RUVBL1: variants seen among roughly 807,000 people sequenced by gnomAD.
RUVBL1 encodes RuvB like AAA ATPase 1, also known as ruvB-like 1.
RUVBL1 carries 4 observed loss-of-function variants against 52.4 expected under a neutral mutation model. The ratio of observed to expected loss-of-function variants is 0.08; its 90% CI spans 0.04 to 0.17. RUVBL1 has a LOEUF of 0.17. RUVBL1 is among the 10% of genes least tolerant of loss of function. The pLI is 1.00. For missense variants in RUVBL1, 298 were observed against 572.8 expected, an observed-to-expected ratio of 0.52 and a Z score of 4.90; for synonymous variants, 217 against 214.4, an observed-to-expected ratio of 1.01 and a Z score of -0.10.
chr3:128,101,513 T>C (rs1943107533), intron 5 of RUVBL1, 46 bp downstream of exon 5: 1 of 1,576,400 alleles, frequency 6.3e-7, no homozygotes, highest in Non-Finnish European at 8.7e-7. Context: ...GGTCTTCTCA[T>C]GGCAAACAAA....
At chr3:128,097,872 G>A (rs974477216) in intron 7 of RUVBL1, among the ~76,000 whole-genome samples, 1 of 152,170 alleles carries the variant, frequency 6.6e-6, no homozygotes, top group Non-Finnish European at 1.5e-5. Flanking sequence ...GGAGACATTG[G>A]AGTTTGGGAG....
At chr3:128,153,854 C>T in exon 1 of RUVBL1, 4 of 1,473,608 alleles carry the variant, frequency 2.7e-6, no homozygotes, top group Non-Finnish European at 3.6e-6. Flanking sequence ...GAGCCGGGCT[C>T]AGGGACGCGG....
At chr3:128,103,965 A>G (rs1455273190) in intron 4 of RUVBL1, among the ~76,000 whole-genome samples, 1 of 152,242 alleles carries the variant, frequency 6.6e-6, no homozygotes, top group Non-Finnish European at 1.5e-5. Flanking sequence ...TCACGATAAC[A>G]TTAACAGCTA....
rs78712581 is a variant in RUVBL1 at position 128,089,126 on chromosome 3, T to G, written c.1017-1318A>C. On this transcript the variant is annotated intron_variant, in intron 8 of 10. Coordinates refer to ENST00000322623, the MANE Select transcript of RUVBL1 (RefSeq NM_003707.3). ...CTTAAGTTTGCATTTCTTTGATTAC[T>G]AATGAGGCATTTGAATGTATTCCCT... 6.5e-3 allele frequency among the ~76,000 whole-genome samples: 997 copies of G among 152,406 alleles called. 10 individuals carry two copies. The highest frequency in any genetic ancestry group is 0.011 in the Non-Finnish European group (718 of 68,042).
chr3:128,132,325 C>A (rs553006283), intron 1 of RUVBL1, among the ~76,000 whole-genome samples: 2 of 152,320 alleles, frequency 1.3e-5, no homozygotes, highest in Admixed American at 1.3e-4. Context: ...ACAAGGACTG[C>A]AATTCCTGGG....
Position 128,081,218 on chromosome 3 carries a change from G to C in RUVBL1, c.*32C>G, listed in dbSNP as rs777170930. 2 of 1,601,624 alleles carry C rather than the reference G, an allele frequency of 1.2e-6. No individual in the cohort carries two copies. Among genetic ancestry groups the C allele is most frequent in the Middle Eastern group, 1.7e-4 (1 of 5,778 alleles). On this transcript the variant is annotated 3_prime_UTR_variant, in exon 11 of 11. Coordinates refer to ENST00000322623, the MANE Select transcript of RUVBL1 (RefSeq NM_003707.3). This position sits in a 1 kb window ranked among gnomAD's most constrained non-coding sequence, Gnocchi z 4.8. The stretch of plus-strand genomic sequence containing the variant: ...CTGGACCCAGGCCAGGCACACCTGG[G>C]GAGTCTCTTACTGCTGAAAACCTCA...
At chr3:128,123,561 A>C in intron 1 of RUVBL1, 23 bp downstream of exon 1, 4 of 1,564,202 alleles carry the variant, frequency 2.6e-6, no homozygotes, top group South Asian at 1.1e-5. Context: ...GCAGCCCCCA[A>C]CTCCCTGGTC....
intron 8 of RUVBL1, among the ~76,000 whole-genome samples, chr3:128,089,430 G>T (rs1477503066): frequency 3.3e-5 from 5 of 152,242 alleles, no homozygotes; most frequent in African/African-American, 1.2e-4. Flanking sequence ...GTGCAGGATT[G>T]TACAGTCTAT....
intron 9 of RUVBL1, chr3:128,069,719 T>G (rs1942098848): frequency 3.4e-6 from 5 of 1,491,760 alleles, no homozygotes; most frequent in South Asian, 1.1e-5. Context: ...GAAGGGGAGC[T>G]CTCATCATGG....
intron 1 of RUVBL1, among the ~76,000 whole-genome samples, chr3:128,145,368 A>C (rs537665056): frequency 8.5e-5 from 13 of 152,308 alleles, no homozygotes; most frequent in African/African-American, 3.1e-4. Flanking sequence ...TGTGCTTTTC[A>C]CTACACCATG....
At chr3:128,143,915 C>T (rs573889053) in intron 1 of RUVBL1, among the ~76,000 whole-genome samples, 27 of 152,234 alleles carry the variant, frequency 1.8e-4, no homozygotes, top group South Asian at 1.0e-3. Flanking sequence ...TGACCACTAC[C>T]GACCACAATG....
intron 3 of RUVBL1, among the ~76,000 whole-genome samples, chr3:128,111,222 A>ATC (rs1344761160): frequency 1.9e-4 from 20 of 107,906 alleles, no homozygotes; most frequent in Admixed American, 7.6e-4. Context: ...TCTCTCTCAA[A>ATC]AAAAAAAAAA....
intron 9 of RUVBL1, chr3:128,085,206 A>G (rs1272425161): frequency 6.6e-6 from 1 of 152,280 alleles, no homozygotes; most frequent in Non-Finnish European, 1.5e-5. Context: ...GTTATTGCCA[A>G]TACCTCACAA....
rs763582801 is a variant in RUVBL1, at chr3:128,082,356, G to A, written c.1211+127C>T. 1.6e-5 allele frequency: 11 copies of A among 701,530 alleles called. No individual in the cohort carries two copies. The highest frequency in any genetic ancestry group is 4.9e-5 in the South Asian group (3 of 61,246). 43.5% of individuals were successfully genotyped at this position (701,530 alleles called of 1,614,324 possible). On this transcript the variant is annotated intron_variant, in intron 10 of 10. Coordinates refer to ENST00000322623, the MANE Select transcript of RUVBL1 (RefSeq NM_003707.3). This position sits in a 1 kb window ranked among gnomAD's most constrained non-coding sequence, Gnocchi z 4.7. ...ACTCAAGTGCCCTGGCACCCATCGCGCCAGGAAGAGCGGATGGATAGAGTC... is the reference window on the plus strand; with the variant it reads ...ACTCAAGTGCCCTGGCACCCATCGCACCAGGAAGAGCGGATGGATAGAGTC...
At chr3:128,137,592 G>A (rs999385455) in intron 1 of RUVBL1, among the ~76,000 whole-genome samples, 1 of 152,180 alleles carries the variant, frequency 6.6e-6, no homozygotes, top group Non-Finnish European at 1.5e-5. Flanking sequence ...TGGCTTTAGT[G>A]CTGAATTTTA....
In RUVBL1 at chr3:128,081,512, G is replaced by T; in HGVS notation, c.1212-103C>A. 8.0e-7 allele frequency: 1 copy of T among 1,245,520 alleles called. No individual in the cohort carries two copies. 77.2% of individuals were successfully genotyped at this position (1,245,520 alleles called of 1,614,324 possible). A position where few individuals can be genotyped will look rare whatever the true frequency, so the allele number is the denominator to read the frequency against. ...GCACTGGCACCAGGAGCAGAGCCCA[G>T]TGCTGGGCTTGTGCCAGCTGCTACG... On this transcript the variant is annotated intron_variant, in intron 10 of 10. Coordinates refer to ENST00000322623, the MANE Select transcript of RUVBL1 (RefSeq NM_003707.3). This position sits in a 1 kb window ranked among gnomAD's most constrained non-coding sequence, Gnocchi z 4.8.
chr3:128,067,336 C>T lies in RUVBL1; in HGVS notation c.940-2116G>A. The T allele has an allele frequency of 6.9e-7, 1 of 1,439,058 alleles. No individual in the cohort carries two copies. The highest frequency in any genetic ancestry group is 9.5e-7 in the Non-Finnish European group (1 of 1,055,444). 89.1% of individuals were successfully genotyped at this position (1,439,058 alleles called of 1,614,324 possible). On this transcript the variant is annotated intron_variant, in intron 9 of 9. Transcript: ENST00000464873. This position sits in a 1 kb window ranked among gnomAD's most constrained non-coding sequence, Gnocchi z 4.1. ...TGTGGGCACCGAGTAAAATTGCATT[C>T]TTTCATCTGCTCAGAACTATTTTTG...
At chr3:128,102,426 A>C (rs1943126672) in intron 4 of RUVBL1, among the ~76,000 whole-genome samples, 3 of 152,246 alleles carry the variant, frequency 2.0e-5, no homozygotes, top group African/African-American at 7.2e-5. Context: ...TTAATATTCT[A>C]GGACAGCTGC....
At position 128,082,653 on chromosome 3, in the gene RUVBL1, G is replaced by A; in HGVS notation, c.1120-79C>T. 1 of 1,157,050 alleles carries A rather than the reference G, an allele frequency of 8.6e-7. No individual in the cohort carries two copies. Among genetic ancestry groups the A allele is most frequent in the African/African-American group, 1.5e-5 (1 of 65,394 alleles). 71.7% of individuals were successfully genotyped at this position (1,157,050 alleles called of 1,614,324 possible). ...TCTAAAGTGCTTTAAAGACAATGTT[G>A]CTCAGATTTCTCACTGTGCAGCATA... On this transcript the variant is annotated intron_variant, in intron 9 of 10. Transcript: ENST00000322623. The surrounding 1 kb of genome is among the most constrained non-coding windows in gnomAD (Gnocchi z 4.7).
Sources: allele counts gnomAD v4.1 joint callset (sites outside exome capture counted in the v4.1 genomes callset), GRCh38; gene constraint gnomAD v4.1.1; non-coding constraint Gnocchi (gnomAD v3.1); transcripts MANE v1.5; gene names NCBI Gene and HGNC (gene_info 2026-07-23, HGNC 2026-07-21).